The following PCDH9 variants were observed in gnomAD, a reference collection of about 807,000 sequenced individuals.
The protein encoded by PCDH9 is protocadherin 9, also known as protocadherin-9.
Under a neutral mutation model 70.6 loss-of-function variants are expected in PCDH9, and 24 were observed. The observed-to-expected ratio is 0.34, with a 90% CI of 0.25 to 0.48. PCDH9 has a LOEUF of 0.48. Ranked by LOEUF, PCDH9 falls within the 20% of genes least tolerant of loss-of-function variation. The pLI, the probability that PCDH9 is intolerant of heterozygous loss-of-function variation, is 0.99. For synonymous variants in PCDH9, 562 were observed against 558.5 expected, an observed-to-expected ratio of 1.01 and a Z score of -0.09; for missense variants, 1,281 against 1,503.6, an observed-to-expected ratio of 0.85 and a Z score of 2.45.
intron 2 of PCDH9, among the ~76,000 whole-genome samples, chr13:67,059,566 G>A (rs1043185731): frequency 6.6e-6 from 1 of 151,482 alleles, no homozygotes; most frequent in African/African-American, 2.4e-5. Flanking sequence ...ACAAGAAGAA[G>A]TATAGTCATG....
intron 3 of PCDH9, among the ~76,000 whole-genome samples, chr13:66,857,627 A>T (rs1024786073): frequency 6.6e-6 from 1 of 152,148 alleles, no homozygotes; most frequent in Admixed American, 6.6e-5. Flanking sequence ...TTTCATCAGA[A>T]GTTTAAACAA....
chr13:66,851,474 A>C (rs74427730), intron 3 of PCDH9, among the ~76,000 whole-genome samples: 2,264 of 152,252 alleles, frequency 0.015, 40 homozygotes, highest in Middle Eastern at 0.034. Context: ...TAAGAGTTAA[A>C]TTACACACAT....
intron 4 of PCDH9, among the ~76,000 whole-genome samples, chr13:66,459,180 G>C (rs370193218): frequency 3.9e-5 from 6 of 152,126 alleles, no homozygotes; most frequent in Admixed American, 1.3e-4. Flanking sequence ...CTGGTTGTAA[G>C]TTGTTGCCTG....
intron 4 of PCDH9, among the ~76,000 whole-genome samples, chr13:66,617,782 T>G (rs1054196452): frequency 2.0e-5 from 3 of 152,206 alleles, no homozygotes; most frequent in African/African-American, 7.2e-5. Context: ...CTCCAAACAG[T>G]CATGCAATTG....
chr13:67,112,022 C>A (rs1462194433), intron 2 of PCDH9, among the ~76,000 whole-genome samples: 1 of 152,184 alleles, frequency 6.6e-6, no homozygotes, highest in African/African-American at 2.4e-5. Flanking sequence ...GATTTATACA[C>A]ATTTTTAACA....
At chr13:66,476,658 C>T (rs1269548470) in intron 4 of PCDH9, among the ~76,000 whole-genome samples, 1 of 151,892 alleles carries the variant, frequency 6.6e-6, no homozygotes, top group African/African-American at 2.4e-5. Flanking sequence ...TCTGACATGT[C>T]CATGCTTTAA....
intron 3 of PCDH9, among the ~76,000 whole-genome samples, chr13:66,892,339 A>T (rs1224094511): frequency 1.3e-5 from 2 of 151,364 alleles, no homozygotes; most frequent in Non-Finnish European, 3.0e-5. Context: ...TGTACGTTTA[A>T]TATGTTACAA....
chr13:66,380,668 T>C (rs1021037789), intron 4 of PCDH9, among the ~76,000 whole-genome samples: 87 of 150,598 alleles, frequency 5.8e-4, no homozygotes, highest in African/African-American at 1.1e-3. Flanking sequence ...CTCAGCCTCC[T>C]GAGTAACTGG....
At chr13:66,822,993 G>A (rs2080742054) in intron 3 of PCDH9, among the ~76,000 whole-genome samples, 1 of 151,946 alleles carries the variant, frequency 6.6e-6, no homozygotes, top group Non-Finnish European at 1.5e-5. Context: ...ACTTGTATAT[G>A]TATTTTAATA....
chr13:66,427,946 A>G (rs758286840), intron 4 of PCDH9, among the ~76,000 whole-genome samples: 1 of 151,800 alleles, frequency 6.6e-6, no homozygotes, highest in Non-Finnish European at 1.5e-5. Flanking sequence ...AAGCAATACA[A>G]CAAGATAATT....
intron 4 of PCDH9, among the ~76,000 whole-genome samples, chr13:66,596,164 C>A (rs1333064988): frequency 1.3e-5 from 2 of 151,536 alleles, no homozygotes; most frequent in Non-Finnish European, 3.0e-5. Flanking sequence ...GAAAAATTGT[C>A]TTCCATGTTC....
At chr13:66,676,622 T>C (rs1566498790) in intron 3 of PCDH9, among the ~76,000 whole-genome samples, 1 of 152,176 alleles carries the variant, frequency 6.6e-6, no homozygotes, top group Non-Finnish European at 1.5e-5. Flanking sequence ...AAAACAGGTC[T>C]CTTTTCATAT....
At chr13:66,692,747 C>T (rs1210011161) in intron 3 of PCDH9, among the ~76,000 whole-genome samples, 1 of 151,834 alleles carries the variant, frequency 6.6e-6, no homozygotes, top group African/African-American at 2.4e-5. Context: ...GTAAAGTATT[C>T]CAATCATGGT....
At chr13:67,128,374 C>T (rs1240067460) in intron 2 of PCDH9, among the ~76,000 whole-genome samples, 1 of 152,114 alleles carries the variant, frequency 6.6e-6, no homozygotes, top group Non-Finnish European at 1.5e-5. Context: ...AGCAACCTGC[C>T]TCATTCAAAG....
intron 4 of PCDH9, among the ~76,000 whole-genome samples, chr13:66,602,565 T>C (rs7990376): frequency 6.9e-6 from 1 of 145,968 alleles, no homozygotes; most frequent in Non-Finnish European, 1.5e-5. Context: ...TGTACAGCTG[T>C]ACAATGTATC....
rs192262621 is a variant in PCDH9, at chr13:66,705,654, G to C, written c.3139-74243C>G. ...TTTGTTTGTGAAAATGTCACATAAA[G>C]TGATAAAATCTAAAATGCAGTTTTT... On this transcript the variant is annotated intron_variant, in intron 3 of 4. Transcript: ENST00000377865. Among the ~76,000 whole-genome samples the C allele has an allele frequency of 2.6e-5, 4 of 152,198 alleles. No homozygotes were observed. The East Asian group carries it at 5.8e-4, about 22-fold the overall frequency.
intron 2 of PCDH9, among the ~76,000 whole-genome samples, chr13:67,141,902 A>G (rs1305310293): frequency 6.6e-6 from 1 of 152,114 alleles, no homozygotes; most frequent in Non-Finnish European, 1.5e-5. Flanking sequence ...CTGCATCAAT[A>G]ACTCTTTACA....
chr13:66,405,006 A>G (rs1426241444), intron 4 of PCDH9, among the ~76,000 whole-genome samples: 2 of 152,210 alleles, frequency 1.3e-5, no homozygotes, highest in African/African-American at 4.8e-5. Flanking sequence ...AAAGAAATAA[A>G]TGATATTTGT....
chr13:66,990,607 A>G (rs2083982752), intron 2 of PCDH9, among the ~76,000 whole-genome samples: 2 of 149,774 alleles, frequency 1.3e-5, no homozygotes, highest in Non-Finnish European at 3.0e-5. Flanking sequence ...AAATATATAC[A>G]TATAAACACA....
Sources: gnomAD v4.1 joint callset for allele counts (sites outside exome capture counted in the v4.1 genomes callset) on GRCh38, gnomAD v4.1.1 for gene constraint, MANE v1.5 for transcripts, NCBI Gene and HGNC (gene_info 2026-07-23, HGNC 2026-07-21) for gene names.